Variants in CROCC2 observed in about 807,000 individuals in gnomAD.
The protein encoded by CROCC2 is ciliary rootlet coiled-coil protein 2.
Under a neutral mutation model 177.6 loss-of-function variants are expected in CROCC2, and 163 were observed. The ratio of observed to expected loss-of-function variants is 0.92; its 90% CI spans 0.81 to 1.05. The LOEUF is 1.05. CROCC2 is among the 50% of genes least tolerant of loss of function. The pLI is 0.00. For missense variants in CROCC2, 1,929 were observed against 1,797.8 expected (o/e 1.07, Z -1.32); for synonymous variants, 904 against 787.3 (o/e 1.15, Z -2.48).
At chr2:240,938,716 C>G (rs941485389) in intron 14 of CROCC2, among the ~76,000 whole-genome samples, 5 of 152,148 alleles carry the variant, frequency 3.3e-5, no homozygotes, top group Admixed American at 3.3e-4. Flanking sequence ...GTATATCTCT[C>G]CATGTCTTTA....
rs568252495 is a variant in CROCC2, at chr2:240,958,591, G to A, written c.2944-710G>A. On this transcript the variant is annotated intron_variant, in intron 19 of 31. Transcript: ENST00000690015. The surrounding 1 kb of genome is among the most constrained non-coding windows in gnomAD (Gnocchi z 6.7). ...CCCCACCAGCCGCCCCCCGCCAGCC[G>A]CCTGCTGCTGCCTGGAGGCTTGGTC... 1,974 of 985,202 alleles carry A rather than the reference G, an allele frequency of 2.0e-3. 1 individual carries two copies. The highest frequency in any genetic ancestry group is 2.3e-3 in the Non-Finnish European group (1,877 of 829,748). The allele number at this position is 985,202 out of a possible 1,614,324, so 61.0% of individuals were successfully genotyped here.
At chr2:240,969,461 A>T (rs1027778908) in intron 27 of CROCC2, among the ~76,000 whole-genome samples, 14 of 152,170 alleles carry the variant, frequency 9.2e-5, no homozygotes, top group South Asian at 2.1e-4. Context: ...GCAGTTTGGA[A>T]ATTTCTGTTT....
intron 14 of CROCC2, among the ~76,000 whole-genome samples, chr2:240,945,056 C>T (rs982854850): frequency 1.3e-5 from 2 of 152,152 alleles, no homozygotes; most frequent in African/African-American, 4.8e-5. Context: ...CCTGCCTCGG[C>T]CTCCTGAATA....
Position 240,965,700 on chromosome 2 carries a change from T to G in CROCC2, c.3668T>G (p.Leu1223Arg). 1.3e-6 allele frequency: 2 copies of G among 1,549,714 alleles called. No individual in the cohort carries two copies. Among genetic ancestry groups the G allele is most frequent in the Non-Finnish European group, 1.7e-6 (2 of 1,146,614 alleles). Residue 1223 changes from leucine (L) to arginine (R), a missense_variant, in exon 24 of 32, where the codon CTC (leucine) becomes CGC (arginine). This residue lies in a region of CROCC2 where 144 missense variants were observed against 205.2 expected (regional missense o/e 0.70). Coordinates refer to ENST00000690015, the MANE Select transcript of CROCC2 (RefSeq NM_001351305.2). ...EAAGEAHGQR[L>R]QEHLRESRGA... ...GCAGGGGAGGCCCATGGACAGCGGC[T>G]CCAGGAGCACCTCCGTGAGAGCCGG...
chr2:240,921,207 C>T (rs979928236), intron 3 of CROCC2, among the ~76,000 whole-genome samples: 4 of 152,212 alleles, frequency 2.6e-5, no homozygotes, highest in African/African-American at 9.7e-5. Context: ...CATGGCAGCA[C>T]CAGCCCCACA....
At chr2:240,932,212 G>C in intron 7 of CROCC2, 106 bp from the exon 8 acceptor site, 3 of 625,884 alleles carry the variant, frequency 4.8e-6, no homozygotes, top group Non-Finnish European at 5.9e-6. Context: ...ACCCAGCACC[G>C]GCAGGGGGGC....
At chr2:240,967,691 C>A (rs1312616038) in intron 26 of CROCC2, 1 of 562,810 alleles carries the variant, frequency 1.8e-6, no homozygotes, top group Non-Finnish European at 2.3e-6. Context: ...CGTCCACAGG[C>A]CCATCAGGGC....
At chr2:240,931,430 A>G (rs2059430428) in intron 7 of CROCC2, among the ~76,000 whole-genome samples, 1 of 152,192 alleles carries the variant, frequency 6.6e-6, no homozygotes, top group Admixed American at 6.5e-5. Flanking sequence ...TTCAGGCTTA[A>G]AGCAGGAACA....
rs932959439 is a variant in CROCC2, at chr2:240,960,735, G to A, written c.3087+1291G>A. On this transcript the variant is annotated intron_variant, in intron 20 of 31. Coordinates refer to ENST00000690015, the MANE Select transcript of CROCC2 (RefSeq NM_001351305.2). The surrounding 1 kb of genome is among the most constrained non-coding windows in gnomAD (Gnocchi z 5.0). Reference sequence around the variant, plus strand: ...GCCGGCAGGGGAGAGTGAGAAGAGGGGCTCAGCCCTCCCCAAGCACCCCCG... The same window carrying A: ...GCCGGCAGGGGAGAGTGAGAAGAGGAGCTCAGCCCTCCCCAAGCACCCCCG... 6.6e-6 allele frequency among the ~76,000 whole-genome samples: 1 copy of A among 152,066 alleles called. No individual in the cohort carries two copies. Among genetic ancestry groups the A allele is most frequent in the Non-Finnish European group, 1.5e-5 (1 of 68,000 alleles).
Position 240,968,123 on chromosome 2 carries a change from C to T in CROCC2, c.4268-6C>T, listed in dbSNP as rs773507278. On this transcript the variant is annotated splice_region_variant and splice_polypyrimidine_tract_variant and intron_variant, in intron 26 of 31. Transcript: ENST00000690015. ...GGCCCCTCAAGCCACCCTGCTTGCC[C>T]CACAGGCCAGCGCCGGGTGGAGGGC... The T allele has an allele frequency of 6.9e-6, 10 of 1,443,742 alleles. No homozygotes were observed. The highest frequency in any genetic ancestry group is 4.2e-5 in the South Asian group (3 of 71,318). The allele number at this position is 1,443,742 out of a possible 1,614,324, so 89.4% of individuals were successfully genotyped here.
chr2:240,962,505 G>C (rs1205348628), intron 20 of CROCC2, among the ~76,000 whole-genome samples: 1 of 152,140 alleles, frequency 6.6e-6, no homozygotes, highest in East Asian at 1.9e-4. Context: ...GGAGCGGAGG[G>C]GAGGCTCTGG....
At chr2:240,983,178 A>C in intron 28 of CROCC2, 149 bp downstream of exon 28, 1 of 913,176 alleles carries the variant, frequency 1.1e-6, no homozygotes, top group South Asian at 1.7e-5. Context: ...GCAGGCCTGC[A>C]GAGACCCAGG....
intron 19 of CROCC2, among the ~76,000 whole-genome samples, 192 bp downstream of exon 19, chr2:240,956,164 A>T (rs879833268): frequency 6.6e-6 from 1 of 152,200 alleles, no homozygotes; most frequent in Non-Finnish European, 1.5e-5. Flanking sequence ...ATCCAAGTGA[A>T]CCAAAGCAGT....
chr2:240,956,336 G>T (rs997492348), intron 19 of CROCC2: 20 of 257,668 alleles, frequency 7.8e-5, no homozygotes, highest in African/African-American at 4.3e-4. Flanking sequence ...GCACAGCTGG[G>T]GACATGAGCA....
chr2:240,944,630 T>G (rs1452508436), intron 14 of CROCC2, among the ~76,000 whole-genome samples: 1 of 152,148 alleles, frequency 6.6e-6, no homozygotes, highest in East Asian at 1.9e-4. Context: ...ATATTTTAAA[T>G]TGTCTTTTTT....
intron 18 of CROCC2, 147 bp downstream of exon 18, chr2:240,950,657 G>A (rs749309513): frequency 2.7e-5 from 20 of 754,072 alleles, no homozygotes; most frequent in Middle Eastern, 3.9e-4. Flanking sequence ...CCAACCATCC[G>A]TCCACTCACC....
intron 4 of CROCC2, among the ~76,000 whole-genome samples, chr2:240,923,405 T>C (rs1202812629): frequency 6.6e-6 from 1 of 150,822 alleles, no homozygotes; most frequent in African/African-American, 2.4e-5. Context: ...TGCCTGGGCT[T>C]ATCAAGGGGG....
At chr2:240,959,213 C>A in intron 19 of CROCC2, 88 bp from the exon 20 acceptor site, 1 of 1,415,282 alleles carries the variant, frequency 7.1e-7, no homozygotes, top group Non-Finnish European at 9.4e-7. Flanking sequence ...CACTGCAACA[C>A]CTCTCTCTCC....
chr2:240,935,496 T>C lies in CROCC2; in HGVS notation c.2077T>C (p.Cys693Arg). 1 of 1,344,600 alleles carries C rather than the reference T, an allele frequency of 7.4e-7. No individual in the cohort carries two copies. 83.3% of individuals were successfully genotyped at this position (1,344,600 alleles called of 1,614,324 possible). Residue 693 changes from cysteine to arginine, a missense_variant, in exon 14 of 32, where the codon TGC becomes CGC. Around this residue, in one of 3 missense-constraint regions of CROCC2, gnomAD observed 1,397 missense variants for 1,239.9 expected, o/e 1.13. Transcript: ENST00000690015. ...AGAGCGCAGGGGCCTGCAGCAGGCC[T>C]GCGGACGCCTGGAGCAGCGGCAGGA... ...RAERRGLQQA[C>R]GRLEQRQEQL...
Sources: gnomAD v4.1 joint callset for allele counts (sites outside exome capture counted in the v4.1 genomes callset) on GRCh38, gnomAD v4.1.1 for gene constraint, gnomAD v4.1.1 regional missense constraint, Gnocchi (gnomAD v3.1) non-coding constraint, MANE v1.5 for transcripts, NCBI Gene and HGNC (gene_info 2026-07-23, HGNC 2026-07-21) for gene names.